Variants in NRXN3 observed in about 807,000 individuals in gnomAD.
NRXN3 encodes the protein neurexin 3.
In NRXN3, 32 loss-of-function variants were observed where a neutral mutation model predicts 137.6. That is an observed-to-expected ratio of 0.23 (90% confidence interval 0.18 to 0.31). The LOEUF (loss-of-function observed/expected upper bound fraction) is 0.31, where lower values mean the gene tolerates loss of function less well. Among genes scored for constraint, NRXN3 ranks in the 10% least tolerant of loss-of-function variants. The pLI, the probability that NRXN3 is intolerant of heterozygous loss-of-function variation, is 1.00. For synonymous variants in NRXN3, 798 were observed against 784.5 expected, an observed-to-expected ratio of 1.02 and a Z score of -0.29; for missense variants, 1,574 against 2,062.5, an observed-to-expected ratio of 0.76 and a Z score of 4.59.
intron 16 of NRXN3, among the ~76,000 whole-genome samples, chr14:79,524,266 T>C (rs547590869): frequency 6.6e-5 from 10 of 152,316 alleles, no homozygotes; most frequent in Non-Finnish European, 1.2e-4. Context: ...CTTCTAAATT[T>C]CTAAGACAAC....
intron 14 of NRXN3, among the ~76,000 whole-genome samples, chr14:78,981,439 G>C (rs1014543596): frequency 3.3e-5 from 5 of 152,216 alleles, no homozygotes; most frequent in Admixed American, 2.0e-4. Flanking sequence ...CCTCTCACTT[G>C]CCACCTATGG....
chr14:78,727,804 A>T (rs1171855235), intron 8 of NRXN3, among the ~76,000 whole-genome samples: 3 of 152,224 alleles, frequency 2.0e-5, no homozygotes, highest in Middle Eastern at 3.2e-3. Flanking sequence ...TCCTCAAAAT[A>T]GTCCTAGATT....
chr14:79,207,388 A>G lies in NRXN3; in HGVS notation c.3262+219247A>G, dbSNP rs1378811030. 5.9e-5 allele frequency among the ~76,000 whole-genome samples: 9 copies of G among 152,334 alleles called. No homozygotes were observed. The East Asian group carries it at 1.7e-3, about 29-fold the overall frequency. ...TAGAGAAAACCAAAAGTGCACATGAATGGAAATCTGGGACATAGTAAGACA... is the reference window on the plus strand; with the variant it reads ...TAGAGAAAACCAAAAGTGCACATGAGTGGAAATCTGGGACATAGTAAGACA... On this transcript the variant is annotated intron_variant, in intron 15 of 20. Coordinates refer to ENST00000335750, the MANE Select transcript of NRXN3 (RefSeq NM_001330195.2).
intron 10 of NRXN3, among the ~76,000 whole-genome samples, chr14:78,890,579 A>G (rs1169300055): frequency 1.3e-5 from 2 of 151,744 alleles, no homozygotes; most frequent in East Asian, 3.9e-4. Context: ...ACAAGCAGAA[A>G]GGAGGTCTGC....
chr14:79,180,200 T>C (rs1412369374), intron 15 of NRXN3, among the ~76,000 whole-genome samples: 1 of 152,196 alleles, frequency 6.6e-6, no homozygotes, highest in Non-Finnish European at 1.5e-5. Flanking sequence ...ACACTGACAA[T>C]TACATGTAGC....
intron 20 of NRXN3, among the ~76,000 whole-genome samples, chr14:79,809,862 G>A (rs1201355211): frequency 6.6e-6 from 1 of 152,228 alleles, no homozygotes; most frequent in African/African-American, 2.4e-5. Context: ...GAGCTGGAGA[G>A]CATTCAAATA....
intron 15 of NRXN3, among the ~76,000 whole-genome samples, chr14:79,447,450 A>G (rs1045908018): frequency 5.9e-5 from 9 of 152,258 alleles, no homozygotes; most frequent in African/African-American, 2.2e-4. Context: ...TGAAAAACAA[A>G]AATGACCTTT....
intron 4 of NRXN3, among the ~76,000 whole-genome samples, chr14:78,407,789 A>C (rs559669818): frequency 7.2e-5 from 11 of 152,264 alleles, no homozygotes; most frequent in African/African-American, 2.4e-4. Context: ...ACGAAGTCGT[A>C]TTGATTTTAT....
chr14:79,103,858 C>T (rs942137106), intron 15 of NRXN3, among the ~76,000 whole-genome samples: 10 of 152,182 alleles, frequency 6.6e-5, no homozygotes, highest in African/African-American at 2.4e-4. Context: ...TCCCAACATA[C>T]ATACACATCT....
At chr14:78,216,317 A>T (rs1172880322) in intron 1 of NRXN3, among the ~76,000 whole-genome samples, 1 of 152,074 alleles carries the variant, frequency 6.6e-6, no homozygotes, top group Non-Finnish European at 1.5e-5. Context: ...AGTCCTTTTC[A>T]TATACATGAT....
intron 4 of NRXN3, among the ~76,000 whole-genome samples, chr14:78,358,633 G>A (rs2084675546): frequency 6.6e-6 from 1 of 152,166 alleles, no homozygotes; most frequent in Admixed American, 6.5e-5. Context: ...TTGTGGCTAA[G>A]AACGTTTGGG....
chr14:79,088,863 C>T (rs1190877630), intron 15 of NRXN3, among the ~76,000 whole-genome samples: 3 of 152,136 alleles, frequency 2.0e-5, no homozygotes, highest in South Asian at 4.1e-4. Flanking sequence ...TTTTAAAAGA[C>T]ACTTTTTTCT....
intron 16 of NRXN3, among the ~76,000 whole-genome samples, chr14:79,645,829 A>C (rs1021413577): frequency 7.4e-6 from 1 of 135,282 alleles, no homozygotes; most frequent in African/African-American, 2.5e-5. Context: ...GAAGAGTTTG[A>C]AACTTGCCCT....
chr14:79,450,771 C>T (rs760888463), intron 15 of NRXN3, among the ~76,000 whole-genome samples: 1 of 151,684 alleles, frequency 6.6e-6, no homozygotes, highest in Non-Finnish European at 1.5e-5. Context: ...GAGGCTGAGG[C>T]ACGAGAATCA....
At chr14:79,184,914 G>T (rs1412115295) in intron 15 of NRXN3, among the ~76,000 whole-genome samples, 1 of 152,094 alleles carries the variant, frequency 6.6e-6, no homozygotes, top group Non-Finnish European at 1.5e-5. Context: ...TACTTTGCTT[G>T]GTCCTATAGG....
At chr14:79,382,601 A>G (rs1169906113) in intron 15 of NRXN3, among the ~76,000 whole-genome samples, 1 of 152,118 alleles carries the variant, frequency 6.6e-6, no homozygotes, top group Non-Finnish European at 1.5e-5. Flanking sequence ...TATTGTTGTT[A>G]TTATCATACA....
intron 16 of NRXN3, among the ~76,000 whole-genome samples, chr14:79,567,458 G>A (rs1358297578): frequency 6.6e-6 from 1 of 151,956 alleles, no homozygotes; most frequent in African/African-American, 2.4e-5. Context: ...CTCTTAGAAT[G>A]GTAGAGGTGA....
At chr14:79,810,726 G>T (rs540005063) in intron 20 of NRXN3, among the ~76,000 whole-genome samples, 33 of 152,138 alleles carry the variant, frequency 2.2e-4, no homozygotes, top group African/African-American at 7.9e-4. Context: ...GAGATGCCTC[G>T]GGAAAGTATC....
At position 79,697,521 on chromosome 14, in the gene NRXN3, C is replaced by A. The variant is rs1404742624; in HGVS notation, c.3707-109C>A. The A allele has an allele frequency of 5.0e-6, 6 of 1,189,248 alleles. No individual in the cohort carries two copies. The African/African-American group carries it at 7.7e-5, about 15-fold the overall frequency. 73.7% of individuals were successfully genotyped at this position (1,189,248 alleles called of 1,614,324 possible). A position where few individuals can be genotyped will look rare whatever the true frequency, so the allele number is the denominator to read the frequency against. On this transcript the variant is annotated intron_variant, in intron 18 of 20. Coordinates refer to ENST00000335750, the MANE Select transcript of NRXN3 (RefSeq NM_001330195.2). ...GTTTTGTTGTCTATTTTTTCCTCCC[C>A]TTCAATTGCTCAAGGAAGCCTGTTA...
Sources: gnomAD v4.1 joint callset for allele counts (sites outside exome capture counted in the v4.1 genomes callset) on GRCh38, gnomAD v4.1.1 for gene constraint, MANE v1.5 for transcripts, NCBI Gene and HGNC (gene_info 2026-07-23, HGNC 2026-07-21) for gene names.